SYT9: variants seen among roughly 807,000 people sequenced by gnomAD.
SYT9 encodes synaptotagmin-9.
In SYT9, 22 loss-of-function variants were observed where a neutral mutation model predicts 48.4. The observed-to-expected ratio is 0.45, with a 90% confidence interval of 0.32 to 0.65. The LOEUF is 0.65. Ranked by LOEUF, SYT9 falls within the 30% of genes least tolerant of loss-of-function variation. SYT9 has a pLI of 0.03. For synonymous variants in SYT9, 265 were observed against 245.0 expected, an observed-to-expected ratio of 1.08 and a Z score of -0.76; for missense variants, 577 against 622.0, an observed-to-expected ratio of 0.93 and a Z score of 0.77.
At chr11:7,344,614 G>A (rs549948127) in intron 3 of SYT9, among the ~76,000 whole-genome samples, 16 of 152,058 alleles carry the variant, frequency 1.1e-4, no homozygotes, top group Non-Finnish European at 1.5e-4. Flanking sequence ...TCTTGTGAAT[G>A]CATATGTGTG....
chr11:7,286,701 C>G (rs866453966), intron 1 of SYT9, among the ~76,000 whole-genome samples: 2 of 152,186 alleles, frequency 1.3e-5, no homozygotes. Context: ...ACCAGATACC[C>G]TAAATTATCT....
chr11:7,415,242 G>A (rs952911419), intron 3 of SYT9, among the ~76,000 whole-genome samples: 3 of 152,148 alleles, frequency 2.0e-5, no homozygotes, highest in East Asian at 1.9e-4. Context: ...GGGACTAGGC[G>A]AGTACTTGGC....
At chr11:7,335,706 C>A (rs527551786) in intron 3 of SYT9, among the ~76,000 whole-genome samples, 20 of 152,030 alleles carry the variant, frequency 1.3e-4, no homozygotes, top group Non-Finnish European at 2.4e-4. Flanking sequence ...GCATAGTATT[C>A]TGTGGTATAT....
intron 4 of SYT9, among the ~76,000 whole-genome samples, chr11:7,417,472 G>A (rs369084634): frequency 3.3e-5 from 5 of 152,106 alleles, no homozygotes; most frequent in African/African-American, 1.2e-4. Flanking sequence ...CACTCTAGGG[G>A]CTCAAGGTCT....
rs115576135 is a variant in SYT9 at position 7,361,348 on chromosome 11, T to A, written c.1044+47407T>A. Among the ~76,000 whole-genome samples the A allele has an allele frequency of 2.4e-3, 370 of 152,328 alleles. 4 individuals carry two copies. Among genetic ancestry groups the A allele is most frequent in the African/African-American group, 8.1e-3 (336 of 41,576 alleles). On this transcript the variant is annotated intron_variant, in intron 3 of 6. Transcript: ENST00000318881. ...TGAACTTCCAAATCTGTGGACTTGTTTGACATTTTGTCTTTGACTTATAGT... is the reference window on the plus strand; with the variant it reads ...TGAACTTCCAAATCTGTGGACTTGTATGACATTTTGTCTTTGACTTATAGT...
chr11:7,328,093 A>C (rs1564863900), intron 3 of SYT9, among the ~76,000 whole-genome samples: 6 of 113,630 alleles, frequency 5.3e-5, no homozygotes, highest in African/African-American at 1.9e-4. Context: ...AATAATAATA[A>C]TAATAATTTT....
chr11:7,246,989 C>T (rs115928478), upstream of SYT9, among the ~76,000 whole-genome samples: 3,312 of 152,304 alleles, frequency 0.022, 126 homozygotes, highest in African/African-American at 0.075. Context: ...CTCAAGGTTG[C>T]AGCCAATTCC....
intron 6 of SYT9, among the ~76,000 whole-genome samples, chr11:7,425,269 C>A (rs1036154427): frequency 6.6e-6 from 1 of 152,184 alleles, no homozygotes; most frequent in African/African-American, 2.4e-5. Flanking sequence ...TGAGAAGAGT[C>A]CGCACAGGAC....
At chr11:7,312,048 G>T (rs577394561) in intron 2 of SYT9, among the ~76,000 whole-genome samples, 1 of 152,192 alleles carries the variant, frequency 6.6e-6, no homozygotes, top group East Asian at 1.9e-4. Flanking sequence ...TTGTGCATGT[G>T]GGAATGTATG....
intron 1 of SYT9, among the ~76,000 whole-genome samples, chr11:7,262,976 G>T (rs536586273): frequency 6.6e-6 from 1 of 152,212 alleles, no homozygotes; most frequent in Non-Finnish European, 1.5e-5. Context: ...TGAAGGGAAT[G>T]ACTAGTACAG....
chr11:7,252,309 C>T lies in SYT9; in HGVS notation c.123C>T (p.Ala41=), dbSNP rs750085137. The T allele has an allele frequency of 3.3e-6, 5 of 1,502,404 alleles. No individual in the cohort carries two copies. Among genetic ancestry groups the T allele is most frequent in the Admixed American group, 2.2e-5 (1 of 45,010 alleles). The allele number at this position is 1,502,404 out of a possible 1,614,324, so 93.1% of individuals were successfully genotyped here. ...TCATTTACCACCTGCGGGACCGTGC[C>T]AGACCCCGGCTCCGCGACCCAGGTG... ...QDFIYHLRDR[A]RPRLRDPDIS... is the part of the protein sequence containing the mutation. The change falls in exon 1 of 7, where the codon GCC becomes GCT. Residue 41 remains alanine, a synonymous_variant. Transcript: ENST00000318881. The surrounding 1 kb of genome is among the most constrained non-coding windows in gnomAD (Gnocchi z 6.3).
At chr11:7,371,965 A>G (rs1397732783) in intron 3 of SYT9, among the ~76,000 whole-genome samples, 4 of 152,178 alleles carry the variant, frequency 2.6e-5, no homozygotes, top group Admixed American at 1.3e-4. Context: ...TACAGCTGCT[A>G]TGATGATTCT....
intron 2 of SYT9, among the ~76,000 whole-genome samples, chr11:7,309,741 G>A (rs909808590): frequency 1.3e-5 from 2 of 151,988 alleles, no homozygotes; most frequent in African/African-American, 4.8e-5. Context: ...ACGCCCCTGG[G>A]GCAGTCTCCC....
chr11:7,298,884 G>C (rs1848862015), intron 1 of SYT9, among the ~76,000 whole-genome samples: 1 of 152,120 alleles, frequency 6.6e-6, no homozygotes, highest in South Asian at 2.1e-4. Flanking sequence ...TACACTCCAT[G>C]CAGCTCTGGG....
intron 3 of SYT9, among the ~76,000 whole-genome samples, chr11:7,372,610 C>G (rs1174310193): frequency 6.6e-6 from 1 of 152,088 alleles, no homozygotes; most frequent in Non-Finnish European, 1.5e-5. Context: ...TTCAAGCACT[C>G]CTTTTTTCCC....
At chr11:7,244,802 G>A (rs1360574036) in intron 1 of SYT9, among the ~76,000 whole-genome samples, 4 of 152,204 alleles carry the variant, frequency 2.6e-5, no homozygotes. Context: ...CACAGGAACA[G>A]GGGTAAGGAT....
At chr11:7,364,238 C>T (rs1850200319) in intron 3 of SYT9, among the ~76,000 whole-genome samples, 1 of 152,148 alleles carries the variant, frequency 6.6e-6, no homozygotes, top group Non-Finnish European at 1.5e-5. Context: ...GATAAAGATG[C>T]AAACCTCTTT....
chr11:7,281,547 A>G (rs183182541), intron 1 of SYT9, among the ~76,000 whole-genome samples: 15 of 152,332 alleles, frequency 9.8e-5, no homozygotes, highest in African/African-American at 3.6e-4. Context: ...TTCAGTTTGC[A>G]ATTAAAATTC....
intron 6 of SYT9, chr11:7,441,679 A>C (rs931271044): frequency 5.3e-5 from 8 of 152,210 alleles, no homozygotes; most frequent in South Asian, 2.1e-4. Flanking sequence ...TTGCATCCAG[A>C]CATGAAAGTA....
Sources: gnomAD v4.1 joint callset for allele counts (sites outside exome capture counted in the v4.1 genomes callset) on GRCh38, gnomAD v4.1.1 for gene constraint, Gnocchi (gnomAD v3.1) non-coding constraint, MANE v1.5 for transcripts, NCBI Gene and HGNC (gene_info 2026-07-23, HGNC 2026-07-21) for gene names.